AGK: variants seen among roughly 807,000 people sequenced by gnomAD.
The protein encoded by AGK is acylglycerol kinase, mitochondrial.
Under a neutral mutation model 66.4 loss-of-function variants are expected in AGK, and 52 were observed. That is an observed-to-expected ratio of 0.78 (90% confidence interval 0.63 to 0.99). AGK has a LOEUF of 0.99. Ranked by LOEUF, AGK falls within the 50% of genes least tolerant of loss-of-function variation. AGK has a pLI of 0.00. For missense variants in AGK, 451 were observed against 506.6 expected (o/e 0.89, Z 1.05); for synonymous variants, 182 against 181.1 (o/e 1.00, Z -0.04).
chr7:141,641,957 A>G lies in AGK; in HGVS notation c.975+49A>G, dbSNP rs767744370. ...AAGCATTTGGTACCTAAGAAAAGTGACAATAGCTATAGTCCTCTCCCACTA... is the reference window on the plus strand; with the variant it reads ...AAGCATTTGGTACCTAAGAAAAGTGGCAATAGCTATAGTCCTCTCCCACTA... On this transcript the variant is annotated intron_variant, in intron 13 of 15. Coordinates refer to ENST00000649286, the MANE Select transcript of AGK (RefSeq NM_018238.4). The G allele has an allele frequency of 2.8e-6, 4 of 1,437,428 alleles. No individual in the cohort carries two copies. The East Asian group carries it at 7.4e-5, about 26-fold the overall frequency. The allele number at this position is 1,437,428 out of a possible 1,614,324, so 89.0% of individuals were successfully genotyped here. A position where few individuals can be genotyped will look rare whatever the true frequency, so the allele number is the denominator to read the frequency against.
intron 2 of AGK, among the ~76,000 whole-genome samples, chr7:141,573,487 T>C (rs1795660129): frequency 6.6e-6 from 1 of 152,212 alleles, no homozygotes; most frequent in Non-Finnish European, 1.5e-5. Context: ...AAGGGAGTTT[T>C]ATATCAATGG....
intron 2 of AGK, among the ~76,000 whole-genome samples, chr7:141,574,653 C>T (rs1055902249): frequency 4.6e-5 from 7 of 152,174 alleles, no homozygotes; most frequent in Non-Finnish European, 1.0e-4. Flanking sequence ...GAGAAGCCTC[C>T]AGGCGATACA....
intron 8 of AGK, among the ~76,000 whole-genome samples, chr7:141,621,422 G>A (rs1158358058): frequency 6.6e-6 from 1 of 152,152 alleles, no homozygotes; most frequent in Non-Finnish European, 1.5e-5. Flanking sequence ...AAGTTATTAA[G>A]TGTCATATTT....
At chr7:141,593,244 T>C in intron 3 of AGK, 59 bp downstream of exon 3, 1 of 1,503,272 alleles carries the variant, frequency 6.7e-7, no homozygotes, top group Non-Finnish European at 9.2e-7. Context: ...TGCAGAAAAC[T>C]TAAGCTCTTT....
chr7:141,631,962 C>T (rs1797066123), intron 9 of AGK, among the ~76,000 whole-genome samples: 1 of 152,168 alleles, frequency 6.6e-6, no homozygotes, highest in Non-Finnish European at 1.5e-5. Flanking sequence ...GGTGTGGTGG[C>T]TCACACCTGT....
Position 141,600,172 on chromosome 7 carries a change from A to G in AGK, c.222-1033A>G, listed in dbSNP as rs1796312144. ...AAGACAGAGGACTGAGTAAATGTGG[A>G]TATAAAAGTTAGGTGTTTGACATTG... On this transcript the variant is annotated intron_variant, in intron 4 of 15. Transcript: ENST00000649286. Among the ~76,000 whole-genome samples the G allele has an allele frequency of 1.3e-5, 2 of 152,204 alleles. 1 individual carries two copies. Among genetic ancestry groups the G allele is most frequent in the South Asian group, 4.1e-4 (2 of 4,828 alleles).
intron 2 of AGK, among the ~76,000 whole-genome samples, chr7:141,589,822 AG>A (rs1342303035): frequency 6.6e-6 from 1 of 152,178 alleles, no homozygotes. Context: ...GGCATCCCAA[AG>A]TGCTGGGATT....
intron 14 of AGK, among the ~76,000 whole-genome samples, chr7:141,650,206 C>A (rs1028171863): frequency 2.0e-5 from 3 of 152,250 alleles, no homozygotes; most frequent in African/African-American, 7.2e-5. Flanking sequence ...GGCATAAATT[C>A]TTCAGAGACT....
rs775861056 is a variant in AGK at position 141,652,919 on chromosome 7, C to G, written c.1264C>G (p.Gln422Glu). Residue 422 changes from glutamine to glutamate, a missense_variant, in exon 16 of 16, where the codon CAG becomes GAG. Gln to Glu is a conservative substitution (Grantham distance 29). Coordinates refer to ENST00000649286, the MANE Select transcript of AGK (RefSeq NM_018238.4). ...AGAACAGATGCTCACAAGCCCCACC[C>G]AGTGAGCAGCAGAAGACAAGCACTC... ...KREQMLTSPT[Q>E] 2 of 1,613,780 alleles carry G rather than the reference C, an allele frequency of 1.2e-6. No individual in the cohort carries two copies. The highest frequency in any genetic ancestry group is 4.5e-5 in the East Asian group (2 of 44,884).
At chr7:141,560,630 C>T (rs34295693) in intron 2 of AGK, among the ~76,000 whole-genome samples, 1 of 151,930 alleles carries the variant, frequency 6.6e-6, no homozygotes, top group Non-Finnish European at 1.5e-5. Context: ...ACCTTTCCCC[C>T]TGAGTCCCCA....
intron 2 of AGK, among the ~76,000 whole-genome samples, chr7:141,590,191 AG>A (rs1372887812): frequency 6.6e-6 from 1 of 152,182 alleles, no homozygotes; most frequent in Non-Finnish European, 1.5e-5. Flanking sequence ...CTTTTCAGCT[AG>A]GTCCATGGAA....
At chr7:141,573,811 CT>C (rs1203091289) in intron 2 of AGK, among the ~76,000 whole-genome samples, 1 of 152,130 alleles carries the variant, frequency 6.6e-6, no homozygotes, top group Non-Finnish European at 1.5e-5. Context: ...TCTATGTAAT[CT>C]GTTTTCTCTC....
chr7:141,640,610 G>A (rs998872197), intron 11 of AGK, among the ~76,000 whole-genome samples: 10 of 152,172 alleles, frequency 6.6e-5, no homozygotes, highest in Non-Finnish European at 1.0e-4. Context: ...TAGGGGCCAG[G>A]ATGTGGCCAT....
chr7:141,641,176 CTT>C (rs781072018), intron 11 of AGK, 70 bp from the exon 12 acceptor site: 6 of 1,444,260 alleles, frequency 4.2e-6, no homozygotes, highest in Non-Finnish European at 5.7e-6. Context: ...AAATAAATAA[CTT>C]TTGCAGAGAG....
chr7:141,596,424 A>G (rs1038531337), intron 3 of AGK, 138 bp from the exon 4 acceptor site: 62 of 656,294 alleles, frequency 9.4e-5, no homozygotes, highest in Middle Eastern at 7.6e-4. Context: ...CGTTAATATG[A>G]GATCATGAAA....
intron 2 of AGK, among the ~76,000 whole-genome samples, chr7:141,578,422 T>C (rs191363537): frequency 2.2e-4 from 34 of 152,078 alleles, no homozygotes; most frequent in African/African-American, 7.3e-4. Context: ...TCTGGACATA[T>C]GTGTGCAGGT....
At chr7:141,577,746 G>A (rs1219437317) in intron 2 of AGK, among the ~76,000 whole-genome samples, 1 of 151,830 alleles carries the variant, frequency 6.6e-6, no homozygotes, top group Non-Finnish European at 1.5e-5. Context: ...GTTTCTCGGG[G>A]ACCCCTTAGT....
At chr7:141,652,652 A>G in intron 15 of AGK, 135 bp from the exon 16 acceptor site, 2 of 923,472 alleles carry the variant, frequency 2.2e-6, no homozygotes, top group Non-Finnish European at 3.2e-6. Context: ...TTTTTTTGTA[A>G]AAGAACATTA....
rs1055940652 is a variant in AGK, at chr7:141,558,347, G to T, written c.101+2780G>T. 9.9e-5 allele frequency among the ~76,000 whole-genome samples: 14 copies of T among 140,776 alleles called. No individual in the cohort carries two copies. In the East Asian group the frequency reaches 1.2e-3, roughly 12 times the overall value. 92.4% of individuals were successfully genotyped at this position (140,776 alleles called of 152,430 possible). On this transcript the variant is annotated intron_variant, in intron 2 of 15. Coordinates refer to ENST00000649286, the MANE Select transcript of AGK (RefSeq NM_018238.4). ...AATTTTTCCATTTTTAGTAGAGATG[G>T]TTTTTTTTTTTTTTAACCATGTTGG...
Sources: allele counts gnomAD v4.1 joint callset (sites outside exome capture counted in the v4.1 genomes callset), GRCh38; gene constraint gnomAD v4.1.1; transcripts MANE v1.5; gene names NCBI Gene and HGNC (gene_info 2026-07-23, HGNC 2026-07-21).